The following PPM1L variants were observed in gnomAD, a reference collection of about 807,000 sequenced individuals.
PPM1L encodes protein phosphatase 1L.
PPM1L carries 13 observed loss-of-function variants against 31.4 expected under a neutral mutation model. The observed-to-expected ratio is 0.41, with a 90% CI of 0.27 to 0.66. The LOEUF is 0.66. Ranked by LOEUF, PPM1L falls within the 30% of genes least tolerant of loss-of-function variation. PPM1L has a pLI of 0.29. For missense variants in PPM1L, 326 were observed against 453.7 expected (o/e 0.72, Z 2.56); for synonymous variants, 184 against 175.4 (o/e 1.05, Z -0.39).
intron 1 of PPM1L, among the ~76,000 whole-genome samples, chr3:160,942,382 A>G (rs761194539): frequency 6.6e-6 from 1 of 152,308 alleles, no homozygotes; most frequent in Non-Finnish European, 1.5e-5. Context: ...GATGTGAGCC[A>G]TCACACCCAG....
At chr3:161,026,555 G>A (rs1417114078) in intron 2 of PPM1L, among the ~76,000 whole-genome samples, 1 of 152,110 alleles carries the variant, frequency 6.6e-6, no homozygotes, top group Non-Finnish European at 1.5e-5. Flanking sequence ...AATTAGCTGG[G>A]CACGGTGGTG....
Position 160,944,865 on chromosome 3 carries a change from A to AATAT in PPM1L, c.400-16869_400-16868insATAT, listed in dbSNP as rs376336061. ...GTTATATATAACATATATTATATAT[A>AATAT]ATGTTATATATAACATATATATTAT... is the stretch of plus-strand genomic sequence containing the variant. On this transcript the variant is annotated intron_variant, in intron 1 of 3. Coordinates refer to ENST00000498165, the MANE Select transcript of PPM1L (RefSeq NM_139245.4). Among the ~76,000 whole-genome samples the AATAT allele has an allele frequency of 4.1e-4, 17 of 40,982 alleles. 2 individuals are homozygous for AATAT. The highest frequency in any genetic ancestry group is 4.2e-4 in the Non-Finnish European group (7 of 16,680). 26.9% of individuals were successfully genotyped at this position (40,982 alleles called of 152,430 possible).
intron 1 of PPM1L, among the ~76,000 whole-genome samples, chr3:160,824,299 A>T (rs13073659): frequency 0.55 from 82,977 of 152,068 alleles, 26,086 homozygotes; most frequent in African/African-American, 0.87. Flanking sequence ...TTGGCTCCCC[A>T]GATCTTGGAC....
intron 1 of PPM1L, among the ~76,000 whole-genome samples, chr3:160,767,130 T>G (rs888539723): frequency 2.0e-5 from 3 of 152,172 alleles, no homozygotes; most frequent in African/African-American, 7.2e-5. Flanking sequence ...CAGTAGGCTG[T>G]ATTTCTGAGA....
intron 2 of PPM1L, among the ~76,000 whole-genome samples, chr3:161,008,931 G>T (rs1717797447): frequency 6.6e-6 from 1 of 152,146 alleles, no homozygotes; most frequent in South Asian, 2.1e-4. Context: ...TCAGCATAGA[G>T]ATGGTATTTA....
chr3:160,818,207 A>G (rs530953487), intron 1 of PPM1L, among the ~76,000 whole-genome samples: 5 of 152,172 alleles, frequency 3.3e-5, no homozygotes, highest in South Asian at 2.1e-4. Flanking sequence ...CAAGAGCAGT[A>G]TCGAACACAA....
intron 2 of PPM1L, among the ~76,000 whole-genome samples, chr3:160,977,826 A>T (rs114306218): frequency 6.6e-6 from 1 of 152,286 alleles, no homozygotes; most frequent in Non-Finnish European, 1.5e-5. Flanking sequence ...GAGAAACCTA[A>T]TGACTTATAA....
At chr3:160,787,393 G>A (rs1711967483) in intron 1 of PPM1L, among the ~76,000 whole-genome samples, 1 of 152,090 alleles carries the variant, frequency 6.6e-6, no homozygotes, top group Non-Finnish European at 1.5e-5. Flanking sequence ...TTGGCCACAT[G>A]TATGTCTTCT....
At chr3:160,972,662 A>G (rs375371841) in intron 2 of PPM1L, among the ~76,000 whole-genome samples, 7 of 152,146 alleles carry the variant, frequency 4.6e-5, no homozygotes, top group African/African-American at 1.7e-4. Flanking sequence ...ATAAACATAC[A>G]TGTGCATGTG....
At chr3:160,779,811 C>T (rs1711683776) in intron 1 of PPM1L, among the ~76,000 whole-genome samples, 1 of 152,058 alleles carries the variant, frequency 6.6e-6, no homozygotes, top group Non-Finnish European at 1.5e-5. Flanking sequence ...GGATTACAGG[C>T]ATGATCCACT....
chr3:160,997,919 G>A (rs1048012004), intron 2 of PPM1L, among the ~76,000 whole-genome samples: 2 of 152,028 alleles, frequency 1.3e-5, no homozygotes, highest in Non-Finnish European at 2.9e-5. Flanking sequence ...CAATAGCCAA[G>A]AACCATATGA....
intron 1 of PPM1L, among the ~76,000 whole-genome samples, chr3:160,860,347 C>T (rs1711846864): frequency 6.6e-6 from 1 of 152,138 alleles, no homozygotes; most frequent in Non-Finnish European, 1.5e-5. Context: ...GTCCTGTTGC[C>T]ACATTTATTG....
At chr3:160,762,238 G>A (rs1714988693) in intron 1 of PPM1L, among the ~76,000 whole-genome samples, 1 of 152,122 alleles carries the variant, frequency 6.6e-6, no homozygotes, top group African/African-American at 2.4e-5. Flanking sequence ...ATGGACAAAT[G>A]CCTTATGGTT....
At chr3:161,059,919 G>A (rs1003937707) in intron 2 of PPM1L, among the ~76,000 whole-genome samples, 1 of 151,988 alleles carries the variant, frequency 6.6e-6, no homozygotes, top group African/African-American at 2.4e-5. Context: ...GCTTCTTGAG[G>A]CCTCCCCAGA....
At chr3:161,006,355 G>A (rs1418903216) in intron 2 of PPM1L, among the ~76,000 whole-genome samples, 1 of 152,116 alleles carries the variant, frequency 6.6e-6, no homozygotes, top group East Asian at 1.9e-4. Flanking sequence ...CTGAGGGAAG[G>A]GGGAATAGGC....
At chr3:160,978,395 C>T (rs752458116) in intron 2 of PPM1L, among the ~76,000 whole-genome samples, 2 of 152,094 alleles carry the variant, frequency 1.3e-5, no homozygotes, top group South Asian at 2.1e-4. Flanking sequence ...ACAGTGGTGG[C>T]GGAAATAAGA....
rs80035661 is a variant in PPM1L at position 160,921,709 on chromosome 3, G to A, written c.400-40027G>A. Among the ~76,000 whole-genome samples the A allele has an allele frequency of 1.4e-4, 21 of 152,124 alleles. No individual in the cohort carries two copies. In the East Asian group the frequency reaches 4.1e-3, roughly 29 times the overall value. On this transcript the variant is annotated intron_variant, in intron 1 of 3. Coordinates refer to ENST00000498165, the MANE Select transcript of PPM1L (RefSeq NM_139245.4). ...CTCAAATGTTCCAAATATATAAAATGTCAAAAATTAATAGATTCTTGAAAA... is the reference window on the plus strand; with the variant it reads ...CTCAAATGTTCCAAATATATAAAATATCAAAAATTAATAGATTCTTGAAAA...
chr3:160,983,444 G>C (rs115458338), intron 2 of PPM1L, among the ~76,000 whole-genome samples: 103 of 151,688 alleles, frequency 6.8e-4, no homozygotes, highest in African/African-American at 2.3e-3. Context: ...GGGGTGGTGG[G>C]ATAGGGGGTG....
At chr3:160,761,505 C>T (rs982231877) in intron 1 of PPM1L, among the ~76,000 whole-genome samples, 1 of 152,196 alleles carries the variant, frequency 6.6e-6, no homozygotes, top group Non-Finnish European at 1.5e-5. Context: ...AATTATGTAA[C>T]TGATTGGGCC....
Sources: gnomAD v4.1 joint callset for allele counts (sites outside exome capture counted in the v4.1 genomes callset) on GRCh38, gnomAD v4.1.1 for gene constraint, MANE v1.5 for transcripts, NCBI Gene and HGNC (gene_info 2026-07-23, HGNC 2026-07-21) for gene names.